The following MGMT variants were observed in gnomAD, a reference collection of about 807,000 sequenced individuals.
MGMT encodes the protein O-6-methylguanine-DNA methyltransferase.
A neutral mutation model predicts 15.9 loss-of-function variants in MGMT; 14 were observed. That is an observed-to-expected ratio of 0.88 (90% confidence interval 0.58 to 1.37). MGMT has a LOEUF of 1.37. MGMT is among the 40% of genes most tolerant of loss of function. MGMT has a pLI of 0.00. For synonymous variants in MGMT, 130 were observed against 118.2 expected (o/e 1.10, Z -0.65); for missense variants, 282 against 268.1 (o/e 1.05, Z -0.36).
chr10:129,679,505 G>A (rs1474797367), intron 2 of MGMT, among the ~76,000 whole-genome samples: 1 of 152,138 alleles, frequency 6.6e-6, no homozygotes, highest in African/African-American at 2.4e-5. Flanking sequence ...ATGTTGGTAT[G>A]TTTCAATGGA....
At chr10:129,548,221 T>C (rs1407359286) in intron 2 of MGMT, among the ~76,000 whole-genome samples, 1 of 152,238 alleles carries the variant, frequency 6.6e-6, no homozygotes, top group East Asian at 1.9e-4. Context: ...TGTGTGTAAG[T>C]AGGTGTTTGT....
intron 3 of MGMT, among the ~76,000 whole-genome samples, chr10:129,728,860 C>T (rs1054545425): frequency 4.6e-5 from 7 of 152,020 alleles, no homozygotes; most frequent in Non-Finnish European, 1.0e-4. Context: ...AAGGTCAGCA[C>T]GAGGTAGCTG....
intron 2 of MGMT, among the ~76,000 whole-genome samples, chr10:129,618,091 C>G (rs916098458): frequency 1.3e-5 from 2 of 152,102 alleles, no homozygotes; most frequent in African/African-American, 4.8e-5. Context: ...CAATTTGCAC[C>G]AGAGATAGAG....
chr10:129,499,864 G>C (rs1845558039), intron 1 of MGMT, among the ~76,000 whole-genome samples: 1 of 152,192 alleles, frequency 6.6e-6, no homozygotes, highest in Non-Finnish European at 1.5e-5. Flanking sequence ...CTGTGAAGTA[G>C]CTGACGGAAA....
rs569267160 is a variant in MGMT at position 129,475,774 on chromosome 10, C to T, written c.-13+8478C>T. Reference sequence around the variant, plus strand: ...AGGAGGTTGCTGAGGAGGTTGCTTCCATGGTGCCACTTCTGAAATAAGAAC... The same window carrying T: ...AGGAGGTTGCTGAGGAGGTTGCTTCTATGGTGCCACTTCTGAAATAAGAAC... On this transcript the variant is annotated intron_variant, in intron 1 of 4. Coordinates refer to ENST00000651593, the MANE Select transcript of MGMT (RefSeq NM_002412.5). 3.3e-5 allele frequency among the ~76,000 whole-genome samples: 5 copies of T among 152,330 alleles called. No homozygotes were observed. In the East Asian group the frequency reaches 9.7e-4, roughly 29 times the overall value.
intron 2 of MGMT, among the ~76,000 whole-genome samples, chr10:129,626,284 C>T (rs550784799): frequency 6.6e-6 from 1 of 152,182 alleles, no homozygotes; most frequent in Non-Finnish European, 1.5e-5. Flanking sequence ...GCATGCCTCT[C>T]CTTCTCCATC....
chr10:129,551,847 C>A (rs1046318888), intron 2 of MGMT, among the ~76,000 whole-genome samples: 2 of 152,162 alleles, frequency 1.3e-5, no homozygotes, highest in Non-Finnish European at 2.9e-5. Context: ...CCTGCGCTCG[C>A]CTGGGAAGGG....
rs531155311 is a variant in MGMT at position 129,659,265 on chromosome 10, G to C, written c.126-48630G>C. On this transcript the variant is annotated intron_variant, in intron 2 of 4. Transcript: ENST00000651593. This position sits in a 1 kb window ranked among gnomAD's most constrained non-coding sequence, Gnocchi z 4.1. ...TCAGCTACTCGGGAGGCTGAGGCAGGAGAATTGCTTGAACCTGGGAGGCGG... is the reference window on the plus strand; with the variant it reads ...TCAGCTACTCGGGAGGCTGAGGCAGCAGAATTGCTTGAACCTGGGAGGCGG... 8.6e-5 allele frequency among the ~76,000 whole-genome samples: 13 copies of C among 151,782 alleles called. No individual in the cohort carries two copies. The highest frequency in any genetic ancestry group is 2.2e-4 in the African/African-American group (9 of 41,164).
At chr10:129,586,365 C>T (rs117516909) in intron 2 of MGMT, among the ~76,000 whole-genome samples, 3 of 152,298 alleles carry the variant, frequency 2.0e-5, no homozygotes, top group South Asian at 2.1e-4. Flanking sequence ...CCTTTCTCAT[C>T]CCCAGGCAAT....
intron 4 of MGMT, 101 bp downstream of exon 4, chr10:129,759,442 G>T (rs945719935): frequency 1.3e-5 from 20 of 1,557,534 alleles, no homozygotes; most frequent in Non-Finnish European, 1.8e-5. Flanking sequence ...AGGCTGTGCT[G>T]CTGGGGTGGG....
intron 2 of MGMT, among the ~76,000 whole-genome samples, chr10:129,644,002 G>A (rs1169224113): frequency 6.6e-6 from 1 of 152,058 alleles, no homozygotes; most frequent in Admixed American, 6.6e-5. Flanking sequence ...TTGATGATGC[G>A]AATATCTGCA....
intron 4 of MGMT, among the ~76,000 whole-genome samples, chr10:129,760,368 G>A (rs1848858714): frequency 6.6e-6 from 1 of 152,222 alleles, no homozygotes; most frequent in Non-Finnish European, 1.5e-5. Flanking sequence ...CGTTGGCAGT[G>A]TCTTCTCCCG....
intron 2 of MGMT, among the ~76,000 whole-genome samples, chr10:129,607,077 C>T (rs373909304): frequency 8.5e-5 from 13 of 152,256 alleles, no homozygotes; most frequent in East Asian, 7.7e-4. Context: ...TGGCACCCTC[C>T]GGTTTGGGAG....
intron 2 of MGMT, among the ~76,000 whole-genome samples, chr10:129,649,524 T>C (rs948830032): frequency 6.6e-6 from 1 of 152,182 alleles, no homozygotes; most frequent in Non-Finnish European, 1.5e-5. Flanking sequence ...TCAGCAAATA[T>C]TGGCAGATAA....
At chr10:129,654,578 C>G (rs1847501910) in intron 2 of MGMT, among the ~76,000 whole-genome samples, 1 of 152,140 alleles carries the variant, frequency 6.6e-6, no homozygotes, top group Non-Finnish European at 1.5e-5. Flanking sequence ...AGGGCATTCC[C>G]CATTCCCACT....
At chr10:129,589,132 G>C (rs1846651911) in intron 2 of MGMT, among the ~76,000 whole-genome samples, 1 of 152,240 alleles carries the variant, frequency 6.6e-6, no homozygotes, top group Admixed American at 6.5e-5. Context: ...TGGAGCACCA[G>C]GGAGTACAAT....
chr10:129,768,075 T>G lies in MGMT; in HGVS notation c.*1078T>G, dbSNP rs1319315961. ...CACCCAGCTGTGCACTAGAGCGCCA[T>G]GTTCTTACCCAGCATTCCTTGCCAC... On this transcript the variant is annotated 3_prime_UTR_variant, in exon 5 of 5. Transcript: ENST00000651593. 6.6e-6 allele frequency: 1 copy of G among 152,232 alleles called. No individual in the cohort carries two copies. Among genetic ancestry groups the G allele is most frequent in the Non-Finnish European group, 1.5e-5 (1 of 68,042 alleles). The allele number at this position is 152,232 out of a possible 1,614,324, so 9.4% of individuals were successfully genotyped here.
intron 2 of MGMT, among the ~76,000 whole-genome samples, chr10:129,560,954 A>AGTGTGTGT (rs57984603): frequency 0.034 from 4,574 of 133,142 alleles, 107 homozygotes; most frequent in East Asian, 0.057. Flanking sequence ...AGTAAAGAGC[A>AGTGTGTGT]GTGTGTGTGT....
chr10:129,760,742 T>G (rs1333113309), intron 4 of MGMT, among the ~76,000 whole-genome samples: 2 of 152,156 alleles, frequency 1.3e-5, no homozygotes, highest in East Asian at 3.9e-4. Flanking sequence ...CACCCTAATC[T>G]AGGCGAGCTT....
Sources: allele counts gnomAD v4.1 joint callset (sites outside exome capture counted in the v4.1 genomes callset), GRCh38; gene constraint gnomAD v4.1.1; non-coding constraint Gnocchi (gnomAD v3.1); transcripts MANE v1.5; gene names NCBI Gene and HGNC (gene_info 2026-07-23, HGNC 2026-07-21).